The following CAPN13 variants were observed in gnomAD, a reference collection of about 807,000 sequenced individuals.
CAPN13 encodes the protein calpain 13.
A neutral mutation model predicts 98.4 loss-of-function variants in CAPN13; 90 were observed. The ratio of observed to expected loss-of-function variants is 0.92; its 90% CI spans 0.77 to 1.09. The LOEUF is 1.09. Among genes scored for constraint, CAPN13 ranks in the 50% least tolerant of loss-of-function variants. CAPN13 has a pLI of 0.00. For missense variants in CAPN13, 887 were observed against 841.3 expected (o/e 1.05, Z -0.67); for synonymous variants, 330 against 305.5 (o/e 1.08, Z -0.84).
At chr2:30,740,775 T>C (rs1671613342) in intron 15 of CAPN13, among the ~76,000 whole-genome samples, 1 of 152,194 alleles carries the variant, frequency 6.6e-6, no homozygotes, top group Admixed American at 6.5e-5. Context: ...ACATTTTTAT[T>C]TTAGAGGTAC....
At chr2:30,790,180 T>TTTCA (rs1177916907) in intron 1 of CAPN13, among the ~76,000 whole-genome samples, 3 of 152,190 alleles carry the variant, frequency 2.0e-5, no homozygotes, top group Non-Finnish European at 4.4e-5. Flanking sequence ...CCTGACAACA[T>TTTCA]TTCACTTTTG....
intron 7 of CAPN13, among the ~76,000 whole-genome samples, chr2:30,760,396 G>A (rs1410566463): frequency 1.3e-5 from 2 of 152,166 alleles, no homozygotes; most frequent in Non-Finnish European, 2.9e-5. Context: ...AGCTTAATGA[G>A]CCACCGTCAG....
intron 5 of CAPN13, among the ~76,000 whole-genome samples, chr2:30,769,361 C>T (rs1673271851): frequency 6.6e-6 from 1 of 152,276 alleles, no homozygotes; most frequent in East Asian, 2.0e-4. Flanking sequence ...TCCCCACATG[C>T]TGGCGAGCAC....
chr2:30,787,374 G>C lies in CAPN13; in HGVS notation c.-32-17C>G. 2 of 1,549,952 alleles carry C rather than the reference G, an allele frequency of 1.3e-6. No individual in the cohort carries two copies. Among genetic ancestry groups the C allele is most frequent in the Non-Finnish European group, 1.7e-6 (2 of 1,147,268 alleles). The stretch of plus-strand genomic sequence containing the variant: ...GGTCCTTTCCTGTTGGTGAGAAAAA[G>C]GGATACCTTTGGGGTAAGCCATCAA... On this transcript the variant is annotated splice_polypyrimidine_tract_variant and intron_variant, in intron 1 of 22. Transcript: ENST00000295055.
intron 22 of CAPN13, among the ~76,000 whole-genome samples, chr2:30,730,208 GA>G (rs569128975): frequency 1.3e-5 from 2 of 151,906 alleles, no homozygotes; most frequent in Non-Finnish European, 2.9e-5. Context: ...TCTGTTTCAT[GA>G]AAAAAAATGT....
At position 30,787,122 on chromosome 2, in the gene CAPN13, A is replaced by G; in HGVS notation, c.198+6T>C. The G allele has an allele frequency of 6.4e-7, 1 of 1,551,336 alleles. No homozygotes were observed. Among genetic ancestry groups the G allele is most frequent in the Non-Finnish European group, 8.7e-7 (1 of 1,148,126 alleles). ...AGCTGGGTATGCTCGTGTGGGGCTC[A>G]CTCACCTGTGGCCGCTTCCATATCA... is the stretch of plus-strand genomic sequence containing the variant. On this transcript the variant is annotated splice_donor_region_variant and intron_variant, in intron 2 of 22. Coordinates refer to ENST00000295055, the MANE Select transcript of CAPN13 (RefSeq NM_144575.3).
chr2:30,765,919 C>T (rs938786309), intron 5 of CAPN13, among the ~76,000 whole-genome samples: 3 of 152,166 alleles, frequency 2.0e-5, no homozygotes, highest in Admixed American at 6.5e-5. Context: ...TCTCTCTGAC[C>T]CAGGGTCTAG....
intron 1 of CAPN13, among the ~76,000 whole-genome samples, chr2:30,801,736 A>G (rs1273713476): frequency 6.6e-6 from 1 of 152,106 alleles, no homozygotes; most frequent in Non-Finnish European, 1.5e-5. Context: ...AAAGGGAGCC[A>G]GGGACAGCCA....
chr2:30,731,413 G>A lies in CAPN13; in HGVS notation c.1928-14C>T. 4 of 1,604,778 alleles carry A rather than the reference G, an allele frequency of 2.5e-6. No individual in the cohort carries two copies. Among genetic ancestry groups the A allele is most frequent in the Non-Finnish European group, 3.4e-6 (4 of 1,175,454 alleles). ...TGCGGAAGGTCTCTAGGATAAAGAA[G>A]GGAAGGTTTTGACTGACTGAGGAGG... On this transcript the variant is annotated splice_polypyrimidine_tract_variant and intron_variant, in intron 20 of 22. Transcript: ENST00000295055.
chr2:30,762,793 T>A (rs1216389207), intron 7 of CAPN13, among the ~76,000 whole-genome samples: 1 of 152,234 alleles, frequency 6.6e-6, no homozygotes, highest in Non-Finnish European at 1.5e-5. Context: ...TCTACCTCCT[T>A]TGGGGCTAAT....
chr2:30,732,487 G>A lies in CAPN13; in HGVS notation c.1878C>T (p.Val626=), dbSNP rs922800251. ...TLRYSDSVGR[V]SFPSLVCFLM... is the part of the protein sequence containing the mutation. ...GGAAGCAGACCAGGCTGGGGAAGCT[G>A]ACCCTGCCGACGCTGTCGCTGTACC... The change falls in exon 20 of 23, where the codon GTC becomes GTT. Residue 626 remains valine, a synonymous_variant. Coordinates refer to ENST00000295055, the MANE Select transcript of CAPN13 (RefSeq NM_144575.3). The A allele has an allele frequency of 6.2e-7, 1 of 1,613,130 alleles. No homozygotes were observed. The highest frequency in any genetic ancestry group is 1.1e-5 in the South Asian group (1 of 90,938).
At position 30,757,465 on chromosome 2, in the gene CAPN13, C is replaced by T. The variant is rs1394102813; in HGVS notation, c.866+581G>A. On this transcript the variant is annotated intron_variant, in intron 8 of 22. Transcript: ENST00000295055. ...CAGGCACAGCTTTTCATTTATATCC[C>T]AGGCGCCGAGTACTCATGGGCATCC... Among the ~76,000 whole-genome samples, 4 of 152,180 alleles carry T rather than the reference C, an allele frequency of 2.6e-5. No homozygotes were observed. In the East Asian group the frequency reaches 7.7e-4, roughly 29 times the overall value.
intron 15 of CAPN13, among the ~76,000 whole-genome samples, chr2:30,739,308 G>T (rs1671537240): frequency 6.6e-6 from 1 of 152,094 alleles, no homozygotes; most frequent in South Asian, 2.1e-4. Context: ...ATCAGCAGGT[G>T]GTCCTGTAGA....
intron 1 of CAPN13, among the ~76,000 whole-genome samples, chr2:30,803,583 C>A (rs1463900775): frequency 6.6e-6 from 1 of 152,170 alleles, no homozygotes. Flanking sequence ...AGGATGTTAA[C>A]CCCAGAGTCC....
intron 11 of CAPN13, among the ~76,000 whole-genome samples, chr2:30,747,881 T>G (rs1289646324): frequency 6.6e-6 from 1 of 152,206 alleles, no homozygotes; most frequent in Non-Finnish European, 1.5e-5. Flanking sequence ...CCTGAGGAGC[T>G]CTTGGGTCTG....
At chr2:30,738,377 G>C in intron 16 of CAPN13, 23 bp downstream of exon 16, 1 of 1,610,754 alleles carries the variant, frequency 6.2e-7, no homozygotes, top group Non-Finnish European at 8.5e-7. Flanking sequence ...GATGGGGCCA[G>C]CTTGCCCTTG....
At chr2:30,745,572 T>A in intron 12 of CAPN13, 151 bp downstream of exon 12, 2 of 699,340 alleles carry the variant, frequency 2.9e-6, no homozygotes, top group South Asian at 3.7e-5. Context: ...TGAACCTGTT[T>A]GGGGATTCTA....
chr2:30,778,266 C>T (rs1673803307), intron 2 of CAPN13, among the ~76,000 whole-genome samples: 1 of 152,082 alleles, frequency 6.6e-6, no homozygotes, highest in Non-Finnish European at 1.5e-5. Context: ...ACACATAGTG[C>T]CTGCCAGCCA....
intron 1 of CAPN13, among the ~76,000 whole-genome samples, chr2:30,804,847 A>C (rs553257880): frequency 6.6e-6 from 1 of 152,322 alleles, no homozygotes; most frequent in Non-Finnish European, 1.5e-5. Context: ...AGCCTATCCA[A>C]AGTCCCCTTT....
Sources: gnomAD v4.1 joint callset for allele counts (sites outside exome capture counted in the v4.1 genomes callset) on GRCh38, gnomAD v4.1.1 for gene constraint, MANE v1.5 for transcripts, NCBI Gene and HGNC (gene_info 2026-07-23, HGNC 2026-07-21) for gene names.